Variants in CCR3 observed in about 807,000 individuals in gnomAD.
CCR3 encodes the protein C-C motif chemokine receptor 3, also known as C-C chemokine receptor type 3.
For missense variants in CCR3, 419 were observed against 437.5 expected, an observed-to-expected ratio of 0.96 and a Z score of 0.38; for synonymous variants, 203 against 179.2, an observed-to-expected ratio of 1.13 and a Z score of -1.06.
chr3:46,222,899 C>T (rs1235346012), intron 2 of CCR3, among the ~76,000 whole-genome samples: 3 of 152,208 alleles, frequency 2.0e-5, no homozygotes, highest in Non-Finnish European at 4.4e-5. Flanking sequence ...CTCAGTCAAA[C>T]TGGTAAACAT....
chr3:46,254,249 C>G (rs1700371821), intron 1 of CCR3, among the ~76,000 whole-genome samples: 1 of 152,096 alleles, frequency 6.6e-6, no homozygotes, highest in Admixed American at 6.6e-5. Flanking sequence ...ACAACAAACT[C>G]CCCTCTGAGG....
chr3:46,248,851 G>A (rs1700251340), intron 1 of CCR3, among the ~76,000 whole-genome samples: 1 of 152,116 alleles, frequency 6.6e-6, no homozygotes, highest in African/African-American at 2.4e-5. Context: ...AGGTTATATG[G>A]GTTTGGCCCC....
At chr3:46,258,812 G>T (rs1043443841) in intron 1 of CCR3, among the ~76,000 whole-genome samples, 1 of 152,084 alleles carries the variant, frequency 6.6e-6, no homozygotes, top group Non-Finnish European at 1.5e-5. Context: ...CTAATAGGAG[G>T]ATAATACCAA....
At chr3:46,227,383 T>C (rs945908529) in intron 2 of CCR3, among the ~76,000 whole-genome samples, 2 of 152,204 alleles carry the variant, frequency 1.3e-5, no homozygotes, top group African/African-American at 4.8e-5. Context: ...TCTTTTTCTC[T>C]TGTATGTCTT....
At chr3:46,260,219 G>C (rs1026028031) in intron 1 of CCR3, among the ~76,000 whole-genome samples, 7 of 152,196 alleles carry the variant, frequency 4.6e-5, no homozygotes, top group African/African-American at 1.7e-4. Context: ...TTCGAGATGA[G>C]ATTTGGGTGG....
At chr3:46,225,327 C>T (rs1327050544) in intron 2 of CCR3, among the ~76,000 whole-genome samples, 1 of 152,182 alleles carries the variant, frequency 6.6e-6, no homozygotes, top group Non-Finnish European at 1.5e-5. Flanking sequence ...GGCATTAACT[C>T]ATTAGGCATC....
At chr3:46,252,402 C>T (rs1452013551) in intron 1 of CCR3, among the ~76,000 whole-genome samples, 2 of 151,802 alleles carry the variant, frequency 1.3e-5, no homozygotes, top group Non-Finnish European at 2.9e-5. Flanking sequence ...TGGTCTTGAA[C>T]TCCTGACCTC....
chr3:46,212,193 C>G (rs887971478), intron 2 of CCR3, among the ~76,000 whole-genome samples: 2 of 152,222 alleles, frequency 1.3e-5, no homozygotes, highest in Non-Finnish European at 2.9e-5. Flanking sequence ...CTGCATGGAC[C>G]CTGGTGGTCA....
chr3:46,249,767 G>A (rs1228342807), intron 1 of CCR3, among the ~76,000 whole-genome samples: 2 of 152,148 alleles, frequency 1.3e-5, no homozygotes, highest in Non-Finnish European at 2.9e-5. Flanking sequence ...CCTCGGGGAG[G>A]AGGTTCTGGA....
chr3:46,222,226 A>G (rs11926063), intron 2 of CCR3, among the ~76,000 whole-genome samples: 24,806 of 152,160 alleles, frequency 0.16, 3,109 homozygotes, highest in African/African-American at 0.35. Context: ...GCCACAGAGT[A>G]TGGCACACCT....
intron 2 of CCR3, among the ~76,000 whole-genome samples, chr3:46,219,612 C>T (rs113431601): frequency 0.015 from 2,273 of 152,218 alleles, 61 homozygotes; most frequent in African/African-American, 0.051. Flanking sequence ...ACCAAAACAG[C>T]GTGGTACTGG....
intron 1 of CCR3, chr3:46,264,379 T>A: frequency 6.6e-7 from 1 of 1,509,838 alleles, no homozygotes; most frequent in South Asian, 1.2e-5. Flanking sequence ...TGTGTATTTT[T>A]TTCACAGCTG....
chr3:46,234,628 TA>T (rs1413858835), intron 2 of CCR3, among the ~76,000 whole-genome samples: 2 of 144,708 alleles, frequency 1.4e-5, no homozygotes, highest in South Asian at 2.2e-4. Context: ...CCCCACAAAA[TA>T]CCCCCTGATT....
At position 46,265,363 on chromosome 3, in the gene CCR3, A is replaced by G; in HGVS notation, c.205A>G (p.Thr69Ala). Residue 69 changes from threonine to alanine, a missense_variant, in exon 2 of 2, where the codon ACC (threonine) becomes GCC (alanine). Physicochemically the swap from Thr to Ala is moderately conservative, Grantham distance 58. Transcript: ENST00000395940. ...LIKYRRLRIM[T>A]NIYLLNLAIS... ...AAAATACAGGAGGCTCCGAATTATG[A>G]CCAACATCTACCTGCTCAACCTGGC... The G allele has an allele frequency of 1.2e-6, 2 of 1,614,086 alleles. No homozygotes were observed. The highest frequency in any genetic ancestry group is 1.7e-6 in the Non-Finnish European group (2 of 1,180,006).
chr3:46,216,329 T>C (rs191844241), intron 2 of CCR3, among the ~76,000 whole-genome samples: 3 of 152,226 alleles, frequency 2.0e-5, no homozygotes, highest in African/African-American at 4.8e-5. Flanking sequence ...ACTGCACACA[T>C]TGGGTGAGCT....
chr3:46,233,270 T>G (rs1699986488), intron 2 of CCR3, among the ~76,000 whole-genome samples: 1 of 152,168 alleles, frequency 6.6e-6, no homozygotes, highest in Non-Finnish European at 1.5e-5. Context: ...ACTAGAAAAG[T>G]GACAGTAAAC....
chr3:46,212,662 C>T (rs1699729229), intron 2 of CCR3, among the ~76,000 whole-genome samples: 1 of 152,160 alleles, frequency 6.6e-6, no homozygotes, highest in South Asian at 2.1e-4. Flanking sequence ...CTACAAACTC[C>T]AACTTGACAA....
intron 2 of CCR3, among the ~76,000 whole-genome samples, chr3:46,212,508 A>C: frequency 7.5e-6 from 1 of 133,994 alleles, no homozygotes; most frequent in African/African-American, 2.8e-5. Flanking sequence ...TGTCTTGTCT[A>C]ATTTCTTTCC....
chr3:46,231,772 G>A (rs1699968711), intron 2 of CCR3, among the ~76,000 whole-genome samples: 1 of 152,108 alleles, frequency 6.6e-6, no homozygotes, highest in Non-Finnish European at 1.5e-5. Context: ...ACAGCTTTTT[G>A]TATATTATAC....
Sources: gnomAD v4.1 joint callset for allele counts (sites outside exome capture counted in the v4.1 genomes callset) on GRCh38, gnomAD v4.1.1 for gene constraint, MANE v1.5 for transcripts, NCBI Gene and HGNC (gene_info 2026-07-23, HGNC 2026-07-21) for gene names.